Variants in ZC4H2 observed in about 807,000 individuals in gnomAD.
The protein encoded by ZC4H2 is zinc finger C4H2-type containing.
For missense variants in ZC4H2, 137 were observed against 173.9 expected (o/e 0.79, Z 1.19); for synonymous variants, 84 against 66.3 (o/e 1.27, Z -1.30).
intron 1 of ZC4H2, among the ~76,000 whole-genome samples, chrX:64,928,657 CTTCTT>C (rs1352154590): frequency 3.0e-4 from 30 of 101,596 alleles, no homozygotes; most frequent in South Asian, 9.3e-4. Flanking sequence ...TCTTCTTCTT[CTTCTT>C]CTTCTTCTTC....
intron 1 of ZC4H2, among the ~76,000 whole-genome samples, chrX:64,953,970 G>T (rs982462230): frequency 9.1e-6 from 1 of 110,271 alleles, no homozygotes; most frequent in Non-Finnish European, 1.9e-5. Flanking sequence ...TATATACACC[G>T]TGGAATACTA....
chrX:65,005,758 C>G (rs2147282472), intron 1 of ZC4H2, among the ~76,000 whole-genome samples: 1 of 111,074 alleles, frequency 9.0e-6, no homozygotes, highest in Non-Finnish European at 1.9e-5. Flanking sequence ...GAACTATCAT[C>G]AGAGTGAACA....
intron 1 of ZC4H2, among the ~76,000 whole-genome samples, chrX:65,018,856 C>T (rs1184998014): frequency 1.8e-5 from 2 of 111,407 alleles, no homozygotes; most frequent in Non-Finnish European, 1.9e-5. Context: ...GGGGGAGGGG[C>T]GTCTGCCATT....
At chrX:64,926,725 C>A (rs756249553) in intron 1 of ZC4H2, among the ~76,000 whole-genome samples, 22 of 111,920 alleles carry the variant, frequency 2.0e-4, no homozygotes, top group African/African-American at 6.8e-4. Context: ...TTACCATTGA[C>A]CCTTGAAGAA....
intron 1 of ZC4H2, among the ~76,000 whole-genome samples, chrX:64,997,504 T>C (rs1282852840): frequency 8.9e-6 from 1 of 112,981 alleles, no homozygotes; most frequent in Non-Finnish European, 1.9e-5. Context: ...TCTACATGAT[T>C]TAAGAGACAA....
intron 1 of ZC4H2, among the ~76,000 whole-genome samples, chrX:65,007,276 T>C (rs1932683041): frequency 8.9e-6 from 1 of 112,556 alleles, no homozygotes; most frequent in African/African-American, 3.2e-5. Context: ...CATTGAAAAG[T>C]GGACATTTGA....
At chrX:65,016,714 T>C (rs1932800110) in intron 1 of ZC4H2, among the ~76,000 whole-genome samples, 1 of 112,166 alleles carries the variant, frequency 8.9e-6, no homozygotes, top group Non-Finnish European at 1.9e-5. Flanking sequence ...CATCATGTTA[T>C]TATTAGTTGG....
At chrX:65,032,109 C>A (rs1206321472) in intron 1 of ZC4H2, among the ~76,000 whole-genome samples, 4 of 111,083 alleles carry the variant, frequency 3.6e-5, no homozygotes, top group Non-Finnish European at 7.6e-5. Flanking sequence ...CTGATGTGGG[C>A]AAAGGAGCTC....
intron 1 of ZC4H2, among the ~76,000 whole-genome samples, chrX:64,999,442 C>A (rs1932491519): frequency 8.9e-6 from 1 of 112,543 alleles, no homozygotes; most frequent in African/African-American, 3.2e-5. Flanking sequence ...TCTTCGCAAC[C>A]TGCAGACCAG....
At chrX:65,007,747 T>C (rs1253562209) in intron 1 of ZC4H2, among the ~76,000 whole-genome samples, 1 of 111,563 alleles carries the variant, frequency 9.0e-6, no homozygotes, top group Non-Finnish European at 1.9e-5. Context: ...AAATGGGATA[T>C]CCATATGCAG....
intron 1 of ZC4H2, among the ~76,000 whole-genome samples, chrX:65,007,034 A>T (rs1932676638): frequency 8.9e-6 from 1 of 112,004 alleles, no homozygotes; most frequent in South Asian, 3.6e-4. Flanking sequence ...TGTAAGTTTC[A>T]TGCAGGCATG....
At chrX:64,997,845 A>T (rs1212862495) in intron 1 of ZC4H2, among the ~76,000 whole-genome samples, 4 of 111,772 alleles carry the variant, frequency 3.6e-5, no homozygotes, top group African/African-American at 1.3e-4. Flanking sequence ...CTCAAACTCC[A>T]GGGTTCAAGC....
intron 1 of ZC4H2, among the ~76,000 whole-genome samples, chrX:64,945,324 T>A (rs1310228710): frequency 8.9e-6 from 1 of 112,531 alleles, no homozygotes; most frequent in African/African-American, 3.2e-5. Context: ...GTTTTCCTTC[T>A]AACAGTGAGT....
intron 1 of ZC4H2, among the ~76,000 whole-genome samples, chrX:65,014,699 T>C (rs1419813652): frequency 8.9e-6 from 1 of 112,020 alleles, no homozygotes; most frequent in Non-Finnish European, 1.9e-5. Context: ...GATTAAATGA[T>C]ATATTTATAA....
At chrX:65,005,938 C>A (rs1932647910) in intron 1 of ZC4H2, among the ~76,000 whole-genome samples, 1 of 110,831 alleles carries the variant, frequency 9.0e-6, no homozygotes, top group Non-Finnish European at 1.9e-5. Flanking sequence ...ATTTATGCAG[C>A]CAACAAACAT....
chrX:64,940,160 T>G (rs916983143), intron 1 of ZC4H2, among the ~76,000 whole-genome samples: 2 of 112,270 alleles, frequency 1.8e-5, no homozygotes, highest in South Asian at 7.4e-4. Flanking sequence ...TAATGACCAG[T>G]GATGACGAGC....
intron 1 of ZC4H2, among the ~76,000 whole-genome samples, chrX:65,000,780 C>T (rs1394161111): frequency 9.0e-6 from 1 of 111,700 alleles, no homozygotes; most frequent in Non-Finnish European, 1.9e-5. Flanking sequence ...ACGAGAACTT[C>T]GTGAAACATA....
At chrX:64,969,959 ATG>A (rs1425515252) in intron 1 of ZC4H2, among the ~76,000 whole-genome samples, 1 of 111,643 alleles carries the variant, frequency 9.0e-6, no homozygotes, top group Non-Finnish European at 1.9e-5. Context: ...GCAGTTAGAT[ATG>A]TGAGTCTGGA....
chrX:64,990,245 C>G (rs896967592), intron 1 of ZC4H2, among the ~76,000 whole-genome samples: 1 of 111,637 alleles, frequency 9.0e-6, no homozygotes, highest in African/African-American at 3.3e-5. Context: ...GAGAATTATG[C>G]TGAGTAAAAA....
Sources: gnomAD v4.1 joint callset for allele counts (sites outside exome capture counted in the v4.1 genomes callset) on GRCh38, gnomAD v4.1.1 for gene constraint, MANE v1.5 for transcripts, NCBI Gene and HGNC (gene_info 2026-07-23, HGNC 2026-07-21) for gene names.